The following WDFY2 variants were observed in gnomAD, a reference collection of about 807,000 sequenced individuals.
The protein encoded by WDFY2 is WD repeat and FYVE domain containing 2, also known as WD repeat and FYVE domain-containing protein 2.
Under a neutral mutation model 56.4 loss-of-function variants are expected in WDFY2, and 36 were observed. That is an observed-to-expected ratio of 0.64 (90% CI 0.49 to 0.84). WDFY2 has a LOEUF of 0.84. WDFY2 is among the 40% of genes least tolerant of loss of function. The pLI is 0.00. For synonymous variants in WDFY2, 176 were observed against 183.7 expected (o/e 0.96, Z 0.34); for missense variants, 444 against 512.2 (o/e 0.87, Z 1.29).
Position 51,759,768 on chromosome 13 carries a change from G to C in WDFY2, c.1202G>C (p.Ter401SerextTer1), listed in dbSNP as rs1953522420. Residue 401 changes from the stop codon to serine, a stop_lost, in exon 12 of 12, where the codon TGA (stop) becomes TCA (serine). Transcript: ENST00000298125. ...KLWDMTPVVS* is the reference protein window; with the variant it reads ...KLWDMTPVVSS ...TGGGATATGACCCCAGTCGTGTCTT[G>C]ATGACTCTCCCAGGAATCAGAAAGA... The C allele has an allele frequency of 6.2e-7, 1 of 1,613,444 alleles. No homozygotes were observed. Among genetic ancestry groups the C allele is most frequent in the Admixed American group, 1.7e-5 (1 of 59,928 alleles).
At chr13:51,608,043 G>A (rs760082416) in intron 1 of WDFY2, among the ~76,000 whole-genome samples, 1 of 152,130 alleles carries the variant, frequency 6.6e-6, no homozygotes, top group Non-Finnish European at 1.5e-5. Context: ...GAAAAGGTGA[G>A]GAACAGATTC....
At position 51,765,373 on chromosome 13, in the gene WDFY2, G is replaced by C. The variant is rs946807569; in HGVS notation, c.*5604G>C. ...AGAAGCCTACTTAGGTTTAACACAT[G>C]AAAGCAGTGTCTAAAAATTAGATCG... is the stretch of plus-strand genomic sequence containing the variant. On this transcript the variant is annotated 3_prime_UTR_variant, in exon 12 of 12. Transcript: ENST00000298125. 1 of 152,094 alleles carries C rather than the reference G, an allele frequency of 6.6e-6. No homozygotes were observed. The highest frequency in any genetic ancestry group is 1.5e-5 in the Non-Finnish European group (1 of 68,032). The allele number at this position is 152,094 out of a possible 1,614,324, so 9.4% of individuals were successfully genotyped here. A position where few individuals can be genotyped will look rare whatever the true frequency, so the allele number is the denominator to read the frequency against.
At chr13:51,624,859 C>T (rs1481771923) in intron 1 of WDFY2, among the ~76,000 whole-genome samples, 2 of 152,170 alleles carry the variant, frequency 1.3e-5, no homozygotes, top group African/African-American at 4.8e-5. Context: ...AGGAACGTCC[C>T]TGGTTTTCAG....
intron 1 of WDFY2, among the ~76,000 whole-genome samples, chr13:51,637,117 G>A (rs758527716): frequency 5.9e-5 from 9 of 152,196 alleles, no homozygotes; most frequent in Non-Finnish European, 1.0e-4. Flanking sequence ...AGTTTTGCAG[G>A]TGAAAACTGG....
chr13:51,714,472 T>C (rs1304106211), intron 4 of WDFY2, among the ~76,000 whole-genome samples: 1 of 152,056 alleles, frequency 6.6e-6, no homozygotes, highest in African/African-American at 2.4e-5. Flanking sequence ...TTGTATGTTT[T>C]AGTAGAGATG....
At chr13:51,752,254 A>C (rs1242368446) in intron 8 of WDFY2, among the ~76,000 whole-genome samples, 1 of 152,240 alleles carries the variant, frequency 6.6e-6, no homozygotes, top group Non-Finnish European at 1.5e-5. Context: ...ATGCTTAAGA[A>C]GATTAAAGCT....
chr13:51,703,871 A>G (rs974810161), intron 4 of WDFY2, among the ~76,000 whole-genome samples: 2 of 152,238 alleles, frequency 1.3e-5, no homozygotes, highest in Non-Finnish European at 2.9e-5. Flanking sequence ...AGATCAGGTC[A>G]GCTTGACTCC....
At chr13:51,605,741 C>G (rs180856972) in intron 1 of WDFY2, among the ~76,000 whole-genome samples, 2 of 152,050 alleles carry the variant, frequency 1.3e-5, no homozygotes, top group Non-Finnish European at 2.9e-5. Context: ...ATCCACACTG[C>G]GTGATGAAGG....
chr13:51,654,565 C>A (rs1955471447), intron 1 of WDFY2, among the ~76,000 whole-genome samples: 1 of 152,148 alleles, frequency 6.6e-6, no homozygotes, highest in Admixed American at 6.5e-5. Context: ...TTTTTTCCCC[C>A]AATACCCTAA....
intron 1 of WDFY2, among the ~76,000 whole-genome samples, chr13:51,595,133 C>T (rs1018349703): frequency 2.6e-5 from 4 of 152,112 alleles, no homozygotes; most frequent in African/African-American, 9.7e-5. Context: ...GTGCTGTGTT[C>T]TCCTTTGCAG....
chr13:51,610,527 T>A (rs1223000948), intron 1 of WDFY2, among the ~76,000 whole-genome samples: 1 of 152,228 alleles, frequency 6.6e-6, no homozygotes, highest in Non-Finnish European at 1.5e-5. Flanking sequence ...TTTTAAGTTG[T>A]ATTACTCTAA....
At chr13:51,591,610 C>T (rs969138077) in intron 1 of WDFY2, 13 of 152,342 alleles carry the variant, frequency 8.5e-5, no homozygotes, top group Admixed American at 5.9e-4. Context: ...ATGGTATCCT[C>T]TTAATGTGAC....
At chr13:51,602,642 A>G (rs1461814165) in intron 1 of WDFY2, among the ~76,000 whole-genome samples, 2 of 152,212 alleles carry the variant, frequency 1.3e-5, no homozygotes, top group Non-Finnish European at 2.9e-5. Flanking sequence ...TCTGCTTATA[A>G]ATATGTCACA....
chr13:51,706,228 C>T (rs1952079254), intron 4 of WDFY2, among the ~76,000 whole-genome samples: 1 of 152,136 alleles, frequency 6.6e-6, no homozygotes, highest in Non-Finnish European at 1.5e-5. Flanking sequence ...TGTCATTCTT[C>T]TTAATACAAT....
At chr13:51,758,373 G>T in intron 11 of WDFY2, 73 bp downstream of exon 11, 1 of 1,149,412 alleles carries the variant, frequency 8.7e-7, no homozygotes, top group Non-Finnish European at 1.3e-6. Context: ...CAAGAACATG[G>T]GAGGCACTGT....
intron 1 of WDFY2, among the ~76,000 whole-genome samples, chr13:51,607,856 T>C (rs1328897350): frequency 1.3e-5 from 2 of 152,136 alleles, no homozygotes; most frequent in Non-Finnish European, 2.9e-5. Flanking sequence ...GTAGATATGA[T>C]TAAGTTAAGG....
chr13:51,629,148 C>G (rs1020894851), intron 1 of WDFY2, among the ~76,000 whole-genome samples: 1 of 152,190 alleles, frequency 6.6e-6, no homozygotes, highest in Non-Finnish European at 1.5e-5. Context: ...GGAAGTCTCT[C>G]AAGCTGTTCT....
At chr13:51,658,471 C>G (rs1487756054) in intron 1 of WDFY2, among the ~76,000 whole-genome samples, 1 of 152,310 alleles carries the variant, frequency 6.6e-6, no homozygotes, top group East Asian at 1.9e-4. Context: ...AAGCAGGCCA[C>G]TCAAGGAACA....
At chr13:51,627,771 CAG>C (rs949520124) in intron 1 of WDFY2, among the ~76,000 whole-genome samples, 1 of 152,254 alleles carries the variant, frequency 6.6e-6, no homozygotes, top group African/African-American at 2.4e-5. Flanking sequence ...CTTTATGCAA[CAG>C]AACAGCTCAG....
Sources: gnomAD v4.1 joint callset for allele counts (sites outside exome capture counted in the v4.1 genomes callset) on GRCh38, gnomAD v4.1.1 for gene constraint, MANE v1.5 for transcripts, NCBI Gene and HGNC (gene_info 2026-07-23, HGNC 2026-07-21) for gene names.